The following SLC6A3 variants were observed in gnomAD, a reference collection of about 807,000 sequenced individuals.
SLC6A3 encodes sodium-dependent dopamine transporter.
Under a neutral mutation model 70.4 loss-of-function variants are expected in SLC6A3, and 19 were observed. The ratio of observed to expected loss-of-function variants is 0.27; its 90% confidence interval spans 0.19 to 0.40. The LOEUF (loss-of-function observed/expected upper bound fraction) is 0.40. Among genes scored for constraint, SLC6A3 ranks in the 10% least tolerant of loss-of-function variants. The probability of loss-of-function intolerance (pLI) is 1.00; values close to 1 mark genes in which losing one functional copy is unlikely to be tolerated. For missense variants in SLC6A3, 613 were observed against 838.5 expected (o/e 0.73, Z 3.32); for synonymous variants, 368 against 356.6 (o/e 1.03, Z -0.36).
At chr5:1,440,488 G>C (rs181774752) in intron 3 of SLC6A3, among the ~76,000 whole-genome samples, 1 of 148,990 alleles carries the variant, frequency 6.7e-6, no homozygotes, top group Admixed American at 6.6e-5. Flanking sequence ...CGGGTGAATA[G>C]ATGATTGACA....
chr5:1,422,064 T>A, intron 4 of SLC6A3, 50 bp from the exon 5 acceptor site: 1 of 1,590,510 alleles, frequency 6.3e-7, no homozygotes, highest in Non-Finnish European at 8.6e-7. Context: ...TCAACCCACC[T>A]GGAACTGGAC....
At position 1,426,849 on chromosome 5, in the gene SLC6A3, T is replaced by A. The variant is rs11953287; in HGVS notation, c.654-4835A>T. Among the ~76,000 whole-genome samples the A allele has an allele frequency of 4.1e-3, 622 of 152,264 alleles. 4 individuals are homozygous for A. The highest frequency in any genetic ancestry group is 0.014 in the African/African-American group (584 of 41,544). On this transcript the variant is annotated intron_variant, in intron 4 of 14. Coordinates refer to ENST00000270349, the MANE Select transcript of SLC6A3 (RefSeq NM_001044.5). ...TTTCAGCTTTGGAGGAGGAGAAAGT[T>A]CCAATGGATGATGGTGATGGTTGCA...
At chr5:1,424,448 C>T (rs769808718) in intron 4 of SLC6A3, among the ~76,000 whole-genome samples, 4 of 152,166 alleles carry the variant, frequency 2.6e-5, no homozygotes, top group Admixed American at 6.5e-5. Flanking sequence ...TTGTGCAGCC[C>T]GGACCACTCC....
intron 7 of SLC6A3, among the ~76,000 whole-genome samples, chr5:1,415,533 T>C (rs186227509): frequency 7.5e-4 from 114 of 152,314 alleles, no homozygotes; most frequent in African/African-American, 2.7e-3. Context: ...CCTTGTATTT[T>C]TACCGTGTTT....
rs146435469 is a variant in SLC6A3 at position 1,430,928 on chromosome 5, G to T, written c.653+1536C>A. ...ACTGGAATTAGTCTTACTGGTCAAA[G>T]TTCCTTTTCCTACCTTGAAGTGGAC... On this transcript the variant is annotated intron_variant, in intron 4 of 14. Transcript: ENST00000270349. 2.9e-3 allele frequency among the ~76,000 whole-genome samples: 448 copies of T among 152,360 alleles called. 3 individuals are homozygous for T. Among genetic ancestry groups the T allele is most frequent in the African/African-American group, 0.01 (416 of 41,596 alleles).
At chr5:1,431,550 T>G (rs1365735573) in intron 4 of SLC6A3, among the ~76,000 whole-genome samples, 3 of 85,472 alleles carry the variant, frequency 3.5e-5, no homozygotes, top group African/African-American at 9.5e-5. Context: ...GTGGGTTGGG[T>G]CTGGCCGGGG....
rs1464538344 is a variant in SLC6A3, at chr5:1,406,052, C to T, written c.1599+136G>A. On this transcript the variant is annotated intron_variant, in intron 12 of 14. Transcript: ENST00000270349. The surrounding 1 kb of genome is among the most constrained non-coding windows in gnomAD (Gnocchi z 8.8). The stretch of plus-strand genomic sequence containing the variant: ...TAGATGAGTTCAGGGATCAGCCTGT[C>T]CTTCTGGGCCGAGTCTTGAGGCCCC... The T allele has an allele frequency of 4.1e-6, 3 of 724,330 alleles. No homozygotes were observed. In the Admixed American group the frequency reaches 6.0e-5, roughly 14 times the overall value. 44.9% of individuals were successfully genotyped at this position (724,330 alleles called of 1,614,324 possible). A position where few individuals can be genotyped will look rare whatever the true frequency, so the allele number is the denominator to read the frequency against.
At position 1,436,750 on chromosome 5, in the gene SLC6A3, C is replaced by T. The variant is rs797006260; in HGVS notation, c.419-4052G>A. On this transcript the variant is annotated intron_variant, in intron 3 of 14. Coordinates refer to ENST00000270349, the MANE Select transcript of SLC6A3 (RefSeq NM_001044.5). This position sits in a 1 kb window ranked among gnomAD's most constrained non-coding sequence, Gnocchi z 5.2. ...CCGAAACCTGACAAACAGAAGCTGG[C>T]TGAGGGTCGTGCCTGCAAATGGTGC... is the stretch of plus-strand genomic sequence containing the variant. Among the ~76,000 whole-genome samples, 192 of 152,284 alleles carry T rather than the reference C, an allele frequency of 1.3e-3. 1 individual carries two copies. Among genetic ancestry groups the T allele is most frequent in the African/African-American group, 4.4e-3 (182 of 41,564 alleles).
intron 7 of SLC6A3, 115 bp from the exon 8 acceptor site, chr5:1,414,930 G>C (rs554643063): frequency 7.3e-7 from 1 of 1,375,908 alleles, no homozygotes; most frequent in African/African-American, 1.4e-5. Flanking sequence ...GTCTTCGGAG[G>C]GGCTACTTTT....
chr5:1,403,129 G>A lies in SLC6A3; in HGVS notation c.1600-40C>T, dbSNP rs28363129. ...TACGGAGGTCAGGCAGCTCTCAGCC[G>A]GCGGTGCCAGGACAAAGCAGGGAGC... On this transcript the variant is annotated intron_variant, in intron 12 of 14. Coordinates refer to ENST00000270349, the MANE Select transcript of SLC6A3 (RefSeq NM_001044.5). 4.4e-3 allele frequency: 6,999 copies of A among 1,603,816 alleles called. 223 individuals carry two copies. In the African/African-American group the frequency reaches 0.075, roughly 17 times the overall value.
intron 4 of SLC6A3, among the ~76,000 whole-genome samples, chr5:1,430,650 G>T (rs1292394360): frequency 6.6e-6 from 1 of 152,212 alleles, no homozygotes; most frequent in Non-Finnish European, 1.5e-5. Flanking sequence ...TGCAGGAAAA[G>T]ACCTCAGTGA....
In SLC6A3 at chr5:1,414,709, C is replaced by T. The variant is rs368954324; in HGVS notation, c.1138G>A (p.Gly380Arg). Residue 380 changes from glycine (G) to arginine (R), a missense_variant, in exon 8 of 15, where the codon GGG becomes AGG. Coordinates refer to ENST00000270349, the MANE Select transcript of SLC6A3 (RefSeq NM_001044.5). ...GGCTCACCGTCCTTGGCCACGTCCC[C>T]GATGGGCACACTGTGCTTCTGTGCC... is the stretch of plus-strand genomic sequence containing the variant. ...YMAQKHSVPI[G>R]DVAKDGPGLI... 89 of 1,612,468 alleles carry T rather than the reference C, an allele frequency of 5.5e-5. 1 individual carries two copies. Among genetic ancestry groups the T allele is most frequent in the African/African-American group, 8.0e-5 (6 of 74,834 alleles).
At position 1,401,873 on chromosome 5, in the gene SLC6A3, G is replaced by A. The variant is rs937769351; in HGVS notation, c.1768-887C>T. Among the ~76,000 whole-genome samples the A allele has an allele frequency of 6.6e-6, 1 of 152,190 alleles. No homozygotes were observed. The highest frequency in any genetic ancestry group is 1.5e-5 in the Non-Finnish European group (1 of 68,034). ...TGGGTCCTGGCAGGTCAGCCCGTGG[G>A]GGTCTGAGAGGGACTGTCCACAGCA... On this transcript the variant is annotated intron_variant, in intron 13 of 14. Coordinates refer to ENST00000270349, the MANE Select transcript of SLC6A3 (RefSeq NM_001044.5). The surrounding 1 kb of genome is among the most constrained non-coding windows in gnomAD (Gnocchi z 6.1).
chr5:1,407,106 A>G (rs1418828182), intron 11 of SLC6A3, among the ~76,000 whole-genome samples: 1 of 152,222 alleles, frequency 6.6e-6, no homozygotes, highest in Non-Finnish European at 1.5e-5. Context: ...TTAGAAATGC[A>G]TATTTTTCTT....
In SLC6A3 at chr5:1,442,839, C is replaced by G. The variant is rs539061387; in HGVS notation, c.286+73G>C. 1.3e-4 allele frequency: 197 copies of G among 1,483,826 alleles called. 4 individuals carry two copies. In the South Asian group the frequency reaches 2.2e-3, roughly 16 times the overall value. 91.9% of individuals were successfully genotyped at this position (1,483,826 alleles called of 1,614,324 possible). A position where few individuals can be genotyped will look rare whatever the true frequency, so the allele number is the denominator to read the frequency against. On this transcript the variant is annotated intron_variant, in intron 2 of 14. Transcript: ENST00000270349. This position sits in a 1 kb window ranked among gnomAD's most constrained non-coding sequence, Gnocchi z 5.0. ...GGAACAGCTTCATCTCGTTTCCGTA[C>G]GTGCCTTGGCCCCGGCTGCCCCTAC... is the stretch of plus-strand genomic sequence containing the variant.
At chr5:1,432,339 G>A (rs1756722964) in intron 4 of SLC6A3, 125 bp downstream of exon 4, 1 of 735,652 alleles carries the variant, frequency 1.4e-6, no homozygotes. Context: ...GGGATGGAGT[G>A]CAGGAACAGA....
chr5:1,398,115 C>G (rs1579697667), intron 14 of SLC6A3, among the ~76,000 whole-genome samples: 1 of 152,144 alleles, frequency 6.6e-6, no homozygotes, highest in Non-Finnish European at 1.5e-5. Flanking sequence ...AATCCCAGCA[C>G]TCTGGGAGGC....
chr5:1,426,984 T>C lies in SLC6A3; in HGVS notation c.654-4970A>G, dbSNP rs536664550. On this transcript the variant is annotated intron_variant, in intron 4 of 14. Transcript: ENST00000270349. ...ACAATAGCCCCCCAAGAAGGCAAAA[T>C]ACTTTTGTGTAAAGCCCAAGCTGAA... is the stretch of plus-strand genomic sequence containing the variant. Among the ~76,000 whole-genome samples the C allele has an allele frequency of 5.3e-5, 8 of 152,216 alleles. 1 individual carries two copies. Among genetic ancestry groups the C allele is most frequent in the African/African-American group, 1.7e-4 (7 of 41,536 alleles).
chr5:1,426,038 G>A (rs577370962), intron 4 of SLC6A3, among the ~76,000 whole-genome samples: 2 of 152,238 alleles, frequency 1.3e-5, no homozygotes, highest in South Asian at 4.2e-4. Context: ...CAAGGATGTG[G>A]GGAAATCAGA....
Sources: gnomAD v4.1 joint callset for allele counts (sites outside exome capture counted in the v4.1 genomes callset) on GRCh38, gnomAD v4.1.1 for gene constraint, Gnocchi (gnomAD v3.1) non-coding constraint, MANE v1.5 for transcripts, NCBI Gene and HGNC (gene_info 2026-07-23, HGNC 2026-07-21) for gene names.